MID1: variants seen among roughly 807,000 people sequenced by gnomAD.
MID1 encodes the protein midline 1, also known as E3 ubiquitin-protein ligase Midline-1.
A neutral mutation model predicts 40.4 loss-of-function variants in MID1; 7 were observed. The ratio of observed to expected loss-of-function variants is 0.17; its 90% CI spans 0.10 to 0.33. The LOEUF is 0.33. Ranked by LOEUF, MID1 falls within the 10% of genes least tolerant of loss-of-function variation. The pLI is 1.00. For synonymous variants in MID1, 229 were observed against 221.2 expected (o/e 1.04, Z -0.31); for missense variants, 367 against 558.5 (o/e 0.66, Z 3.46).
chrX:10,609,843 G>A (rs1355358938), intron 1 of MID1, among the ~76,000 whole-genome samples: 1 of 107,858 alleles, frequency 9.3e-6, no homozygotes. Context: ...TCAGCCTCTA[G>A]AGTAGCTGGG....
intron 1 of MID1, among the ~76,000 whole-genome samples, chrX:10,662,078 G>C (rs1051347893): frequency 8.9e-6 from 1 of 111,788 alleles, no homozygotes; most frequent in African/African-American, 3.3e-5. Flanking sequence ...GCCGAGGTGG[G>C]CAGATCACCT....
Position 10,449,599 on chromosome X carries a change from C to T in MID1, c.1773G>A (p.Lys591=), listed in dbSNP as rs1192973807. Residue 591 remains lysine, a synonymous_variant, in exon 10 of 10, where the codon AAG becomes AAA. Coordinates refer to ENST00000317552, the MANE Select transcript of MID1 (RefSeq NM_000381.4). ...NNNWVVRHNS[K]EIPIEPAPHL... The stretch of plus-strand genomic sequence containing the variant: ...GGGGGGCAGGCTCAATGGGGATTTC[C>T]TTGCTATTGTGTCTCACCACCCAGT... The T allele has an allele frequency of 4.1e-6, 5 of 1,211,807 alleles. No homozygotes were observed. Among genetic ancestry groups the T allele is most frequent in the Middle Eastern group, 2.3e-4 (1 of 4,354 alleles).
At chrX:10,543,921 G>A (rs1422200245) in intron 2 of MID1, among the ~76,000 whole-genome samples, 3 of 110,576 alleles carry the variant, frequency 2.7e-5, no homozygotes, top group Admixed American at 9.6e-5. Context: ...CAGGAGAATC[G>A]CTTGAACCCA....
intron 2 of MID1, among the ~76,000 whole-genome samples, chrX:10,541,144 T>G (rs1933454078): frequency 8.9e-6 from 1 of 112,289 alleles, no homozygotes. Flanking sequence ...CTAAGCTATC[T>G]CCTTCTCTGC....
intron 1 of MID1, among the ~76,000 whole-genome samples, chrX:10,790,150 A>G (rs1306170468): frequency 9.2e-6 from 1 of 108,274 alleles, no homozygotes; most frequent in East Asian, 2.9e-4. Context: ...TTAACTTCCC[A>G]TTTCCTTTCC....
rs200251008 is a variant in MID1 at position 10,754,309 on chromosome X, G to GTTTTT, written c.-187+79240_-187+79244dup. The stretch of plus-strand genomic sequence containing the variant: ...AGAATAGACAAGAGAGTTTTTTTTT[G>GTTTTT]TTTTTTGTTTTTTGTTTTTTTTGTC... On this transcript the variant is annotated intron_variant, in intron 1 of 10. Coordinates refer to the MID1 transcript ENST00000380785. 5.3e-3 allele frequency among the ~76,000 whole-genome samples: 555 copies of GTTTTT among 104,360 alleles called. 18 individuals are homozygous for GTTTTT. Among genetic ancestry groups the GTTTTT allele is most frequent in the African/African-American group, 0.021 (516 of 24,909 alleles). The allele number at this position is 104,360 out of a possible 115,157, so 90.6% of individuals were successfully genotyped here. A position where few individuals can be genotyped will look rare whatever the true frequency, so the allele number is the denominator to read the frequency against.
chrX:10,753,946 T>C (rs1451022048), intron 1 of MID1, among the ~76,000 whole-genome samples: 1 of 112,499 alleles, frequency 8.9e-6, no homozygotes, highest in Non-Finnish European at 1.9e-5. Context: ...CTAAGCCACA[T>C]AACCTGGACA....
At chrX:10,603,562 T>C (rs1305873783) in intron 1 of MID1, among the ~76,000 whole-genome samples, 2 of 111,713 alleles carry the variant, frequency 1.8e-5, no homozygotes, top group African/African-American at 3.3e-5. Context: ...TCCTAAAGGA[T>C]AGAGTCCAAA....
At chrX:10,491,980 C>T (rs1398922632) in intron 4 of MID1, among the ~76,000 whole-genome samples, 1 of 111,816 alleles carries the variant, frequency 8.9e-6, no homozygotes, top group Non-Finnish European at 1.9e-5. Context: ...AAGGTGGTGA[C>T]CAAAACTCAG....
At chrX:10,595,354 AT>A (rs1290994502) in intron 1 of MID1, among the ~76,000 whole-genome samples, 1 of 111,465 alleles carries the variant, frequency 9.0e-6, no homozygotes, top group Non-Finnish European at 1.9e-5. Context: ...TATGGGGATG[AT>A]TAGGACAATG....
intron 3 of MID1, among the ~76,000 whole-genome samples, chrX:10,504,662 C>G: frequency 9.0e-6 from 1 of 111,240 alleles, no homozygotes; most frequent in Admixed American, 9.6e-5. Flanking sequence ...CTTTTAAATC[C>G]TAACTGGGTT....
intron 2 of MID1, among the ~76,000 whole-genome samples, chrX:10,549,064 A>C (rs1933807197): frequency 9.0e-6 from 1 of 111,441 alleles, no homozygotes. Flanking sequence ...TAGCTGAAAA[A>C]ATTTCTTGGA....
At chrX:10,617,284 T>G (rs1359247804) in intron 1 of MID1, among the ~76,000 whole-genome samples, 2 of 112,037 alleles carry the variant, frequency 1.8e-5, no homozygotes, top group Non-Finnish European at 3.8e-5. Context: ...CTCCTGGGGA[T>G]GTGGCAGAGA....
At chrX:10,759,643 C>T (rs879018074) in intron 1 of MID1, among the ~76,000 whole-genome samples, 1 of 110,305 alleles carries the variant, frequency 9.1e-6, no homozygotes, top group Admixed American at 9.7e-5. Context: ...CCCCACCCTC[C>T]GCCACTCCCC....
At chrX:10,782,279 T>C (rs1026586625) in intron 1 of MID1, among the ~76,000 whole-genome samples, 1 of 111,856 alleles carries the variant, frequency 8.9e-6, no homozygotes, top group African/African-American at 3.3e-5. Flanking sequence ...CTCAATGTGT[T>C]TGGCATCTGA....
At chrX:10,611,176 C>T (rs1464591234) in intron 1 of MID1, among the ~76,000 whole-genome samples, 2 of 111,902 alleles carry the variant, frequency 1.8e-5, no homozygotes, top group Non-Finnish European at 3.8e-5. Flanking sequence ...CACCAAAAAG[C>T]GTTCAAGGTC....
chrX:10,745,627 T>G (rs2147111506), intron 1 of MID1, among the ~76,000 whole-genome samples: 1 of 112,780 alleles, frequency 8.9e-6, no homozygotes, highest in African/African-American at 3.2e-5. Context: ...CTGGCCCTGC[T>G]TCTGCCACTT....
chrX:10,637,997 C>A (rs149702984), intron 1 of MID1, among the ~76,000 whole-genome samples: 1 of 111,897 alleles, frequency 8.9e-6, no homozygotes. Context: ...AGAGTAATGT[C>A]GGCAAATACA....
chrX:10,548,671 G>T (rs1206371048), intron 2 of MID1, among the ~76,000 whole-genome samples: 1 of 111,683 alleles, frequency 9.0e-6, no homozygotes, highest in Non-Finnish European at 1.9e-5. Flanking sequence ...CTATTTTTAT[G>T]AGTGTACTTT....
Sources: allele counts gnomAD v4.1 joint callset (sites outside exome capture counted in the v4.1 genomes callset), GRCh38; gene constraint gnomAD v4.1.1; transcripts MANE v1.5; gene names NCBI Gene and HGNC (gene_info 2026-07-23, HGNC 2026-07-21).